CNTN5: variants seen among roughly 807,000 people sequenced by gnomAD.
The protein encoded by CNTN5 is contactin 5, also known as contactin-5.
CNTN5 carries 77 observed loss-of-function variants against 129.1 expected under a neutral mutation model. That is an observed-to-expected ratio of 0.60 (90% CI 0.50 to 0.72). CNTN5 has a LOEUF of 0.72. Among genes scored for constraint, CNTN5 ranks in the 30% least tolerant of loss-of-function variants. The pLI is 0.00. For synonymous variants in CNTN5, 509 were observed against 465.6 expected, an observed-to-expected ratio of 1.09 and a Z score of -1.20; for missense variants, 1,478 against 1,328.8, an observed-to-expected ratio of 1.11 and a Z score of -1.75.
At chr11:99,137,146 T>G (rs908342592) in intron 1 of CNTN5, among the ~76,000 whole-genome samples, 4 of 152,170 alleles carry the variant, frequency 2.6e-5, no homozygotes, top group South Asian at 4.1e-4. Flanking sequence ...CTGAGTGATG[T>G]GGGAATGACC....
At chr11:100,104,196 G>A (rs1291920122) in intron 13 of CNTN5, among the ~76,000 whole-genome samples, 4 of 151,338 alleles carry the variant, frequency 2.6e-5, no homozygotes, top group Non-Finnish European at 5.9e-5. Flanking sequence ...CCAGGTTCAG[G>A]CAATTCTCCT....
intron 15 of CNTN5, among the ~76,000 whole-genome samples, chr11:100,207,412 C>T (rs1348080301): frequency 6.6e-6 from 1 of 151,970 alleles, no homozygotes; most frequent in Non-Finnish European, 1.5e-5. Context: ...CTTACACATT[C>T]TATAAAACCA....
chr11:99,213,497 T>C (rs2035121), intron 1 of CNTN5, among the ~76,000 whole-genome samples: 14,185 of 145,616 alleles, frequency 0.097, 1,286 homozygotes, highest in East Asian at 0.4. Context: ...TATATATATA[T>C]ACACATATAT....
At chr11:99,481,912 T>A (rs1945616619) in intron 2 of CNTN5, among the ~76,000 whole-genome samples, 1 of 152,200 alleles carries the variant, frequency 6.6e-6, no homozygotes, top group Non-Finnish European at 1.5e-5. Flanking sequence ...AGGGAAGAGA[T>A]GATATTTTCT....
intron 1 of CNTN5, among the ~76,000 whole-genome samples, chr11:99,086,481 A>G (rs1866010695): frequency 6.6e-6 from 1 of 152,146 alleles, no homozygotes; most frequent in Non-Finnish European, 1.5e-5. Flanking sequence ...GGCCAGTGAG[A>G]GCAGGATCAA....
At chr11:100,320,823 C>A (rs1482613099) in intron 21 of CNTN5, among the ~76,000 whole-genome samples, 1 of 152,046 alleles carries the variant, frequency 6.6e-6, no homozygotes, top group South Asian at 2.1e-4. Flanking sequence ...TATCCTTTCC[C>A]CATTGTGTGT....
intron 13 of CNTN5, among the ~76,000 whole-genome samples, chr11:100,127,128 T>G (rs901980427): frequency 3.1e-5 from 4 of 129,098 alleles, no homozygotes; most frequent in Non-Finnish European, 4.8e-5. Context: ...TTTTTAGAGA[T>G]AGGGTTTTGC....
chr11:100,096,340 G>T (rs765933760), intron 13 of CNTN5, among the ~76,000 whole-genome samples: 1 of 151,998 alleles, frequency 6.6e-6, no homozygotes, highest in African/African-American at 2.4e-5. Context: ...AAGAGATCGC[G>T]CTTTCAATAT....
At chr11:100,079,096 G>A (rs578063282) in intron 13 of CNTN5, among the ~76,000 whole-genome samples, 2 of 152,090 alleles carry the variant, frequency 1.3e-5, no homozygotes, top group South Asian at 2.1e-4. Flanking sequence ...TCCCTATCAC[G>A]AGAACAGCGT....
At chr11:99,571,729 G>A (rs1949180761) in intron 3 of CNTN5, among the ~76,000 whole-genome samples, 1 of 152,124 alleles carries the variant, frequency 6.6e-6, no homozygotes, top group Non-Finnish European at 1.5e-5. Flanking sequence ...AATGAAGTAT[G>A]GGTACATATC....
intron 13 of CNTN5, among the ~76,000 whole-genome samples, chr11:100,154,578 G>C (rs571877300): frequency 6.6e-6 from 1 of 152,076 alleles, no homozygotes; most frequent in Middle Eastern, 3.2e-3. Context: ...TCTGGTTCTC[G>C]ATCCTTGAGG....
chr11:99,275,283 T>A (rs1456137560), intron 1 of CNTN5, among the ~76,000 whole-genome samples: 2 of 151,456 alleles, frequency 1.3e-5, no homozygotes, highest in East Asian at 3.9e-4. Flanking sequence ...TTTAAATATA[T>A]TTCCACTCCC....
chr11:99,354,891 A>C (rs537218095), intron 2 of CNTN5, among the ~76,000 whole-genome samples: 1 of 152,180 alleles, frequency 6.6e-6, no homozygotes, highest in South Asian at 2.1e-4. Context: ...GAAAATTCAC[A>C]ATCTACAGTT....
intron 3 of CNTN5, among the ~76,000 whole-genome samples, chr11:99,686,723 A>T (rs1953810285): frequency 1.3e-5 from 2 of 152,094 alleles, no homozygotes; most frequent in Admixed American, 1.3e-4. Flanking sequence ...AAGCAAAGAG[A>T]AAGTGTGGGC....
At chr11:99,935,169 T>C (rs886223309) in intron 7 of CNTN5, among the ~76,000 whole-genome samples, 5 of 151,578 alleles carry the variant, frequency 3.3e-5, no homozygotes, top group Admixed American at 1.3e-4. Flanking sequence ...TCAGATTCTA[T>C]GAATATATGA....
At chr11:99,714,932 C>T (rs569782932) in intron 3 of CNTN5, among the ~76,000 whole-genome samples, 102 of 150,446 alleles carry the variant, frequency 6.8e-4, no homozygotes, top group Admixed American at 4.4e-3. Flanking sequence ...AGTGCTTAAA[C>T]GTAAGGGTTG....
At chr11:99,180,823 T>C (rs1479109169) in intron 1 of CNTN5, among the ~76,000 whole-genome samples, 2 of 152,180 alleles carry the variant, frequency 1.3e-5, no homozygotes, top group African/African-American at 4.8e-5. Context: ...ACACCCACCA[T>C]GGCTTTGCAA....
At chr11:100,272,603 C>A (rs1264519563) in intron 18 of CNTN5, among the ~76,000 whole-genome samples, 1 of 151,988 alleles carries the variant, frequency 6.6e-6, no homozygotes, top group Non-Finnish European at 1.5e-5. Context: ...TACTGAGGGA[C>A]CCAGAGGACT....
At chr11:99,344,118 C>T (rs60394489) in intron 2 of CNTN5, among the ~76,000 whole-genome samples, 23,821 of 152,060 alleles carry the variant, frequency 0.16, 1,845 homozygotes, top group Middle Eastern at 0.24. Flanking sequence ...CTTCAAAGTG[C>T]GTAAGTTTTC....
Sources: allele counts gnomAD v4.1 joint callset (sites outside exome capture counted in the v4.1 genomes callset), GRCh38; gene constraint gnomAD v4.1.1; transcripts MANE v1.5; gene names NCBI Gene and HGNC (gene_info 2026-07-23, HGNC 2026-07-21).